GATAD2B: variants seen among roughly 807,000 people sequenced by gnomAD.
GATAD2B encodes the protein transcriptional repressor p66-beta.
Under a neutral mutation model 64.3 loss-of-function variants are expected in GATAD2B, and 8 were observed. The ratio of observed to expected loss-of-function variants is 0.12; its 90% confidence interval spans 0.07 to 0.22. The LOEUF is 0.22. Ranked by LOEUF, GATAD2B falls within the 10% of genes least tolerant of loss-of-function variation. The pLI is 1.00. For synonymous variants in GATAD2B, 281 were observed against 271.3 expected (o/e 1.04, Z -0.35); for missense variants, 453 against 752.0 (o/e 0.60, Z 4.65).
chr1:153,853,815 G>A (rs1675991195), intron 1 of GATAD2B, among the ~76,000 whole-genome samples: 2 of 152,136 alleles, frequency 1.3e-5, no homozygotes, highest in Admixed American at 1.3e-4. Context: ...TTTTGCTGTG[G>A]ATATCCACTT....
chr1:153,880,718 C>T (rs1014388996), intron 1 of GATAD2B, among the ~76,000 whole-genome samples: 2 of 151,928 alleles, frequency 1.3e-5, no homozygotes, highest in Non-Finnish European at 2.9e-5. Flanking sequence ...GTGGTACACG[C>T]CTGCAGTCCC....
intron 1 of GATAD2B, among the ~76,000 whole-genome samples, chr1:153,913,281 T>A (rs527517573): frequency 1.2e-4 from 18 of 152,232 alleles, no homozygotes; most frequent in Admixed American, 6.5e-4. Context: ...TATAAACTTT[T>A]AAAGGACTGG....
chr1:153,902,313 T>C (rs1287189858), intron 1 of GATAD2B, among the ~76,000 whole-genome samples: 1 of 152,132 alleles, frequency 6.6e-6, no homozygotes, highest in African/African-American at 2.4e-5. Flanking sequence ...AAAAAAGAAT[T>C]TTCAGGATTT....
intron 1 of GATAD2B, among the ~76,000 whole-genome samples, chr1:153,915,800 T>C (rs1181975186): frequency 6.8e-6 from 1 of 147,786 alleles, no homozygotes; most frequent in Non-Finnish European, 1.5e-5. Flanking sequence ...ACATTAACTA[T>C]AAGGTACAGA....
chr1:153,833,811 CAAAAA>C (rs71093292), intron 1 of GATAD2B, among the ~76,000 whole-genome samples: 3 of 61,944 alleles, frequency 4.8e-5, no homozygotes, highest in Admixed American at 2.2e-4. Flanking sequence ...ACTCAGTCTC[CAAAAA>C]AAAAAAAAAA....
At chr1:153,907,043 T>C (rs1241465980) in intron 1 of GATAD2B, among the ~76,000 whole-genome samples, 1 of 152,214 alleles carries the variant, frequency 6.6e-6, no homozygotes, top group African/African-American at 2.4e-5. Context: ...CCTTTGTGCA[T>C]TGCTGACAGA....
intron 1 of GATAD2B, among the ~76,000 whole-genome samples, chr1:153,875,965 A>C (rs1676813730): frequency 1.3e-5 from 2 of 152,102 alleles, no homozygotes; most frequent in Non-Finnish European, 2.9e-5. Context: ...ACAGTGGCTC[A>C]TGCCTGTAAT....
chr1:153,829,520 G>A (rs996313402), intron 1 of GATAD2B, among the ~76,000 whole-genome samples: 2 of 151,784 alleles, frequency 1.3e-5, no homozygotes, highest in East Asian at 3.9e-4. Context: ...GGTGGATCAC[G>A]AGGTCAGGAG....
intron 2 of GATAD2B, among the ~76,000 whole-genome samples, chr1:153,826,940 TAA>T (rs35916476): frequency 1.3e-3 from 177 of 137,374 alleles, no homozygotes; most frequent in African/African-American, 3.9e-3. Context: ...GACCCTATCT[TAA>T]AAAAAAAAAA....
chr1:153,867,508 C>CTAAA (rs746549631), intron 1 of GATAD2B, among the ~76,000 whole-genome samples: 3 of 151,738 alleles, frequency 2.0e-5, no homozygotes, highest in Admixed American at 6.6e-5. Flanking sequence ...GACCCTGTCT[C>CTAAA]TAAATAAATA....
At chr1:153,842,133 C>T (rs1410293511) in intron 1 of GATAD2B, among the ~76,000 whole-genome samples, 1 of 152,140 alleles carries the variant, frequency 6.6e-6, no homozygotes, top group African/African-American at 2.4e-5. Context: ...GCCACTGCAC[C>T]TGGCTGGTGT....
chr1:153,880,505 T>C (rs1259759363), intron 1 of GATAD2B, among the ~76,000 whole-genome samples: 1 of 151,732 alleles, frequency 6.6e-6, no homozygotes, highest in African/African-American at 2.4e-5. Flanking sequence ...CCACACAATG[T>C]GGCCTGTCCC....
At chr1:153,913,895 G>A (rs535069499) in intron 1 of GATAD2B, among the ~76,000 whole-genome samples, 7 of 141,388 alleles carry the variant, frequency 5.0e-5, no homozygotes, top group African/African-American at 1.8e-4. Context: ...ACTCCAGCCT[G>A]GATGACAGAG....
intron 1 of GATAD2B, among the ~76,000 whole-genome samples, chr1:153,834,289 C>T (rs926851966): frequency 1.3e-5 from 2 of 152,102 alleles, no homozygotes; most frequent in African/African-American, 2.4e-5. Flanking sequence ...CAGGCATGAC[C>T]ACCACGCCCA....
At chr1:153,855,832 A>G (rs1676066728) in intron 1 of GATAD2B, among the ~76,000 whole-genome samples, 2 of 151,876 alleles carry the variant, frequency 1.3e-5, no homozygotes, top group Admixed American at 6.6e-5. Context: ...ACAGGTGCGC[A>G]TCACCACGCC....
chr1:153,898,771 A>G (rs187743325), intron 1 of GATAD2B: 3 of 152,344 alleles, frequency 2.0e-5, no homozygotes, highest in Admixed American at 2.0e-4. Context: ...CAGAAAAATG[A>G]GATGAGGAGA....
In GATAD2B at chr1:153,901,318, T is replaced by A. The variant is rs534589283; in HGVS notation, c.-2+21415A>T. Among the ~76,000 whole-genome samples the A allele has an allele frequency of 2.0e-5, 3 of 152,246 alleles. No individual in the cohort carries two copies. The East Asian group carries it at 5.8e-4, about 29-fold the overall frequency. On this transcript the variant is annotated intron_variant, in intron 1 of 10. Transcript: ENST00000368655. Reference sequence around the variant, plus strand: ...GTGAGCCAAGATCATGCCACTGCACTTCAGCCTGGGTGACAAAGCAAGGCT... The same window carrying A: ...GTGAGCCAAGATCATGCCACTGCACATCAGCCTGGGTGACAAAGCAAGGCT...
intron 1 of GATAD2B, among the ~76,000 whole-genome samples, chr1:153,897,607 A>G (rs930197840): frequency 6.6e-6 from 1 of 152,168 alleles, no homozygotes; most frequent in Non-Finnish European, 1.5e-5. Flanking sequence ...CAAAAAGTCA[A>G]AACTACATTA....
At chr1:153,824,765 A>G (rs561588027) in intron 2 of GATAD2B, among the ~76,000 whole-genome samples, 159 of 152,116 alleles carry the variant, frequency 1.0e-3, no homozygotes, top group Non-Finnish European at 4.1e-4. Context: ...CAGGAAAAAA[A>G]AAAAGAGTGT....
Sources: gnomAD v4.1 joint callset for allele counts (sites outside exome capture counted in the v4.1 genomes callset) on GRCh38, gnomAD v4.1.1 for gene constraint, MANE v1.5 for transcripts, NCBI Gene and HGNC (gene_info 2026-07-23, HGNC 2026-07-21) for gene names.